GALNTL6: variants seen among roughly 807,000 people sequenced by gnomAD.
The protein encoded by GALNTL6 is polypeptide N-acetylgalactosaminyltransferase like 6, also known as polypeptide N-acetylgalactosaminyltransferase-like 6.
Under a neutral mutation model 73.7 loss-of-function variants are expected in GALNTL6, and 46 were observed. The observed-to-expected ratio is 0.62, with a 90% CI of 0.49 to 0.80. The LOEUF (loss-of-function observed/expected upper bound fraction) is 0.80. GALNTL6 is among the 30% of genes least tolerant of loss of function. GALNTL6 has a pLI of 0.00. For synonymous variants in GALNTL6, 259 were observed against 263.7 expected (o/e 0.98, Z 0.17); for missense variants, 604 against 755.0 (o/e 0.80, Z 2.34).
intron 5 of GALNTL6, among the ~76,000 whole-genome samples, chr4:172,407,790 C>T (rs1441917656): frequency 1.3e-5 from 2 of 152,062 alleles, no homozygotes; most frequent in Admixed American, 6.6e-5. Flanking sequence ...GAATTAGCCT[C>T]AATAAAGAGA....
intron 5 of GALNTL6, among the ~76,000 whole-genome samples, chr4:172,499,091 G>C (rs974745253): frequency 6.6e-6 from 1 of 151,968 alleles, no homozygotes; most frequent in Non-Finnish European, 1.5e-5. Flanking sequence ...ATCTCAACCA[G>C]GAGATGGCTA....
chr4:172,193,304 C>T (rs1735642507), intron 2 of GALNTL6, among the ~76,000 whole-genome samples: 1 of 152,186 alleles, frequency 6.6e-6, no homozygotes, highest in Admixed American at 6.5e-5. Context: ...TGGGATGGAG[C>T]TCCCAGAAGA....
At chr4:171,953,499 G>A (rs1289314198) in intron 2 of GALNTL6, among the ~76,000 whole-genome samples, 2 of 152,110 alleles carry the variant, frequency 1.3e-5, no homozygotes, top group African/African-American at 4.8e-5. Flanking sequence ...CATTCAATAA[G>A]TGATCTTGGA....
intron 5 of GALNTL6, among the ~76,000 whole-genome samples, chr4:172,400,862 C>T (rs748943192): frequency 7.2e-4 from 110 of 152,080 alleles, no homozygotes; most frequent in Non-Finnish European, 1.3e-3. Context: ...ACCACTCTAT[C>T]GACATCCTTG....
chr4:172,474,598 CAT>C (rs1733167372), intron 5 of GALNTL6, among the ~76,000 whole-genome samples: 1 of 152,076 alleles, frequency 6.6e-6, no homozygotes, highest in Non-Finnish European at 1.5e-5. Flanking sequence ...CTTTTTGGTT[CAT>C]ATATAAGAGT....
chr4:173,014,244 T>C (rs1259851421), intron 11 of GALNTL6, among the ~76,000 whole-genome samples: 1 of 152,230 alleles, frequency 6.6e-6, no homozygotes, highest in African/African-American at 2.4e-5. Context: ...TTTGATATCA[T>C]GGTAGCATTA....
intron 2 of GALNTL6, among the ~76,000 whole-genome samples, chr4:172,107,649 G>C (rs574231679): frequency 4.3e-5 from 6 of 139,128 alleles, no homozygotes; most frequent in African/African-American, 1.6e-4. Flanking sequence ...ACACAGGAAG[G>C]GGAACATCAC....
At chr4:172,404,090 C>T (rs558469132) in intron 5 of GALNTL6, among the ~76,000 whole-genome samples, 2 of 151,778 alleles carry the variant, frequency 1.3e-5, no homozygotes, top group African/African-American at 4.8e-5. Flanking sequence ...CTCTTTCTCT[C>T]TCTCTCTCTG....
chr4:172,525,714 T>C (rs573678037), intron 5 of GALNTL6, among the ~76,000 whole-genome samples: 1 of 152,100 alleles, frequency 6.6e-6, no homozygotes, highest in East Asian at 1.9e-4. Context: ...ATCAAAAAAT[T>C]AGGCCGGGTG....
intron 2 of GALNTL6, among the ~76,000 whole-genome samples, chr4:172,049,813 G>A (rs1434588708): frequency 3.3e-5 from 5 of 152,032 alleles, no homozygotes; most frequent in African/African-American, 1.2e-4. Context: ...GTGGAACCCC[G>A]TCTCTACTAA....
chr4:171,935,709 C>T lies in GALNTL6; in HGVS notation c.138+120991C>T, dbSNP rs573067333. On this transcript the variant is annotated intron_variant, in intron 2 of 12. Transcript: ENST00000506823. ...TTCTATATTTTTGATAACACTTTTA[C>T]CACATGCATCAGCCTTCAGGAGAGC... Among the ~76,000 whole-genome samples the T allele has an allele frequency of 3.4e-4, 52 of 152,274 alleles. No individual in the cohort carries two copies. The South Asian group carries it at 0.011, about 32-fold the overall frequency.
At chr4:172,886,720 A>C (rs1269532065) in intron 8 of GALNTL6, among the ~76,000 whole-genome samples, 2 of 151,978 alleles carry the variant, frequency 1.3e-5, no homozygotes, top group African/African-American at 4.8e-5. Flanking sequence ...CCGAGATTGC[A>C]CCATTGCACT....
chr4:172,366,992 C>T (rs1036562075), intron 5 of GALNTL6, among the ~76,000 whole-genome samples: 14 of 152,176 alleles, frequency 9.2e-5, no homozygotes, highest in Non-Finnish European at 2.9e-5. Flanking sequence ...GAATTAGCTT[C>T]TGAGATTTAA....
chr4:172,194,610 T>C (rs2110886651), intron 2 of GALNTL6, among the ~76,000 whole-genome samples: 1 of 152,326 alleles, frequency 6.6e-6, no homozygotes, highest in Admixed American at 6.5e-5. Context: ...AGTAGGACCC[T>C]AGAAGCCAGA....
At chr4:172,364,119 A>G (rs1433180794) in intron 5 of GALNTL6, among the ~76,000 whole-genome samples, 2 of 152,180 alleles carry the variant, frequency 1.3e-5, no homozygotes, top group Non-Finnish European at 2.9e-5. Context: ...GCAGACCTTG[A>G]TAGATTTAGT....
chr4:172,835,290 G>A (rs1742848574), intron 7 of GALNTL6, among the ~76,000 whole-genome samples: 1 of 152,252 alleles, frequency 6.6e-6, no homozygotes, highest in African/African-American at 2.4e-5. Flanking sequence ...AACCTGGCAC[G>A]AGAGAACTCC....
intron 2 of GALNTL6, among the ~76,000 whole-genome samples, chr4:172,121,955 C>T (rs1369300478): frequency 8.5e-6 from 1 of 118,132 alleles, no homozygotes; most frequent in East Asian, 2.0e-4. Flanking sequence ...AATTAGGTGA[C>T]ACTTTTTTTT....
intron 5 of GALNTL6, among the ~76,000 whole-genome samples, chr4:172,782,514 CA>C (rs1257919377): frequency 6.6e-6 from 1 of 152,090 alleles, no homozygotes; most frequent in African/African-American, 2.4e-5. Flanking sequence ...AGTAGGTGTG[CA>C]TAAAATGGTA....
chr4:172,419,909 A>G (rs1730994007), intron 5 of GALNTL6, among the ~76,000 whole-genome samples: 1 of 152,184 alleles, frequency 6.6e-6, no homozygotes, highest in Non-Finnish European at 1.5e-5. Context: ...TAACTGCACA[A>G]AAGTTTCAGA....
Sources: gnomAD v4.1 joint callset for allele counts (sites outside exome capture counted in the v4.1 genomes callset) on GRCh38, gnomAD v4.1.1 for gene constraint, MANE v1.5 for transcripts, NCBI Gene and HGNC (gene_info 2026-07-23, HGNC 2026-07-21) for gene names.